The following MAN1A1 variants were observed in gnomAD, a reference collection of about 807,000 sequenced individuals.
MAN1A1 encodes mannosidase alpha class 1A member 1, also known as mannosyl-oligosaccharide 1,2-alpha-mannosidase IA.
A neutral mutation model predicts 70.8 loss-of-function variants in MAN1A1; 29 were observed. The ratio of observed to expected loss-of-function variants is 0.41; its 90% CI spans 0.31 to 0.56. The LOEUF is 0.56. MAN1A1 is among the 20% of genes least tolerant of loss of function. The pLI, the probability that MAN1A1 is intolerant of heterozygous loss-of-function variation, is 0.29. For missense variants in MAN1A1, 747 were observed against 841.3 expected, an observed-to-expected ratio of 0.89 and a Z score of 1.39; for synonymous variants, 349 against 330.1, an observed-to-expected ratio of 1.06 and a Z score of -0.62.
intron 2 of MAN1A1, among the ~76,000 whole-genome samples, chr6:119,330,805 C>T (rs1773289815): frequency 6.6e-6 from 1 of 152,150 alleles, no homozygotes; most frequent in African/African-American, 2.4e-5. Flanking sequence ...AATTCCCACT[C>T]ATCCTCAGGT....
At chr6:119,254,377 G>C (rs141813662) in intron 5 of MAN1A1, among the ~76,000 whole-genome samples, 5 of 152,116 alleles carry the variant, frequency 3.3e-5, no homozygotes, top group Admixed American at 2.6e-4. Context: ...AAGAGGGAGA[G>C]TAAGGCTGAT....
chr6:119,289,612 C>T (rs1776478327), intron 5 of MAN1A1, among the ~76,000 whole-genome samples: 2 of 151,726 alleles, frequency 1.3e-5, no homozygotes, highest in South Asian at 2.1e-4. Context: ...CAATGAACAA[C>T]ATTTAACACT....
chr6:119,238,421 T>C (rs1468639331), intron 6 of MAN1A1, among the ~76,000 whole-genome samples: 1 of 152,258 alleles, frequency 6.6e-6, no homozygotes, highest in Admixed American at 6.5e-5. Flanking sequence ...ACTACTTGTA[T>C]AATGAACTCG....
Position 119,225,251 on chromosome 6 carries a change from C to A in MAN1A1, c.993-20369G>T, listed in dbSNP as rs182050872. Among the ~76,000 whole-genome samples, 10 of 152,126 alleles carry A rather than the reference C, an allele frequency of 6.6e-5. No individual in the cohort carries two copies. In the East Asian group the frequency reaches 7.7e-4, roughly 12 times the overall value. On this transcript the variant is annotated intron_variant, in intron 6 of 12. Transcript: ENST00000368468. Reference sequence around the variant, plus strand: ...ATTTAGGGGTCAAAGAAAAGTATAACTGGAGCCAGGTGCGGTGGCTCACAC... The same window carrying A: ...ATTTAGGGGTCAAAGAAAAGTATAAATGGAGCCAGGTGCGGTGGCTCACAC...
chr6:119,181,475 A>G (rs1366847898), intron 11 of MAN1A1, among the ~76,000 whole-genome samples: 4 of 147,506 alleles, frequency 2.7e-5, no homozygotes, highest in Middle Eastern at 3.5e-3. Flanking sequence ...TCAGTCTAGT[A>G]TGGAAGAAGA....
At chr6:119,195,026 T>A (rs1207211242) in intron 8 of MAN1A1, among the ~76,000 whole-genome samples, 1 of 151,696 alleles carries the variant, frequency 6.6e-6, no homozygotes, top group Non-Finnish European at 1.5e-5. Context: ...AGAGACGGGG[T>A]TTCACCATGT....
At position 119,349,585 on chromosome 6, in the gene MAN1A1, T is replaced by C; in HGVS notation, c.-266A>G. 1 of 985,910 alleles carries C rather than the reference T, an allele frequency of 1.0e-6. No homozygotes were observed. Among genetic ancestry groups the C allele is most frequent in the Non-Finnish European group, 1.2e-6 (1 of 830,068 alleles). The allele number at this position is 985,910 out of a possible 1,614,324, so 61.1% of individuals were successfully genotyped here. A position where few individuals can be genotyped will look rare whatever the true frequency, so the allele number is the denominator to read the frequency against. On this transcript the variant is annotated 5_prime_UTR_variant, in exon 1 of 13. Coordinates refer to ENST00000368468, the MANE Select transcript of MAN1A1 (RefSeq NM_005907.4). ...CAGCGTGGGCGGGAGACTCGTCAAC[T>C]TCGCCCGCTCCCCATCTCCGCGCTG...
intron 2 of MAN1A1, among the ~76,000 whole-genome samples, chr6:119,320,657 G>C (rs1772981252): frequency 6.6e-6 from 1 of 152,000 alleles, no homozygotes; most frequent in Admixed American, 6.6e-5. Context: ...TATGTGGTCG[G>C]GGTTCCAGGA....
At position 119,227,462 on chromosome 6, in the gene MAN1A1, C is replaced by T. The variant is rs138857829; in HGVS notation, c.992+20798G>A. 6.6e-4 allele frequency among the ~76,000 whole-genome samples: 100 copies of T among 152,230 alleles called. 1 individual carries two copies. The East Asian group carries it at 0.016, about 25-fold the overall frequency. On this transcript the variant is annotated intron_variant, in intron 6 of 12. Coordinates refer to ENST00000368468, the MANE Select transcript of MAN1A1 (RefSeq NM_005907.4). ...GGATACAAAGCAAAAACGAATGGAA[C>T]GGAAGTATACAATTTCATTGTTTTG...
chr6:119,304,077 C>T (rs1772468660), intron 3 of MAN1A1, among the ~76,000 whole-genome samples: 1 of 134,298 alleles, frequency 7.4e-6, no homozygotes, highest in Non-Finnish European at 1.7e-5. Context: ...AAGACCAAAT[C>T]TATAAATATA....
At chr6:119,213,921 GATTAT>G (rs764636656) in intron 6 of MAN1A1, among the ~76,000 whole-genome samples, 7 of 152,040 alleles carry the variant, frequency 4.6e-5, no homozygotes, top group African/African-American at 7.2e-5. Flanking sequence ...CAGTGATTAA[GATTAT>G]ATTATTAGAT....
chr6:119,304,565 T>G (rs953503415), intron 3 of MAN1A1, among the ~76,000 whole-genome samples: 2 of 152,198 alleles, frequency 1.3e-5, no homozygotes, highest in African/African-American at 4.8e-5. Flanking sequence ...TAAGATGGAA[T>G]TGGGAGATCA....
At chr6:119,260,025 A>G (rs1775564699) in intron 5 of MAN1A1, among the ~76,000 whole-genome samples, 1 of 152,188 alleles carries the variant, frequency 6.6e-6, no homozygotes, top group African/African-American at 2.4e-5. Context: ...ATACTATTTC[A>G]TAATGTTTTA....
intron 2 of MAN1A1, among the ~76,000 whole-genome samples, chr6:119,307,800 A>G (rs1160345605): frequency 6.6e-6 from 1 of 152,236 alleles, no homozygotes; most frequent in Non-Finnish European, 1.5e-5. Context: ...CAGTAATCAA[A>G]ATATGGACAT....
At chr6:119,311,849 C>T (rs6569072) in intron 2 of MAN1A1, among the ~76,000 whole-genome samples, 55,296 of 151,954 alleles carry the variant, frequency 0.36, 10,596 homozygotes, top group Non-Finnish European at 0.41. Flanking sequence ...CAATGGCCAA[C>T]AGATGCTAGG....
At chr6:119,215,554 T>C (rs563592514) in intron 6 of MAN1A1, among the ~76,000 whole-genome samples, 1 of 152,182 alleles carries the variant, frequency 6.6e-6, no homozygotes, top group Non-Finnish European at 1.5e-5. Context: ...TGGTGTGAAA[T>C]GAACTGTTGA....
At chr6:119,323,081 T>C (rs1773058833) in intron 2 of MAN1A1, among the ~76,000 whole-genome samples, 2 of 152,248 alleles carry the variant, frequency 1.3e-5, no homozygotes, top group Non-Finnish European at 2.9e-5. Context: ...TACACCACTT[T>C]AGAGAGTGTC....
intron 2 of MAN1A1, among the ~76,000 whole-genome samples, chr6:119,325,088 T>C (rs956717849): frequency 2.0e-5 from 3 of 152,206 alleles, no homozygotes; most frequent in Non-Finnish European, 2.9e-5. Context: ...CAGCACTATA[T>C]AGTAGTTACA....
chr6:119,243,065 C>T (rs528410907), intron 6 of MAN1A1, among the ~76,000 whole-genome samples: 11 of 152,166 alleles, frequency 7.2e-5, no homozygotes, highest in Non-Finnish European at 1.5e-5. Context: ...TCTACAGTTT[C>T]TAAACTTGTC....
Sources: gnomAD v4.1 joint callset for allele counts (sites outside exome capture counted in the v4.1 genomes callset) on GRCh38, gnomAD v4.1.1 for gene constraint, MANE v1.5 for transcripts, NCBI Gene and HGNC (gene_info 2026-07-23, HGNC 2026-07-21) for gene names.